The following RRM2 variants were observed in gnomAD, a reference collection of about 807,000 sequenced individuals.
RRM2 encodes ribonucleotide reductase regulatory subunit M2.
Under a neutral mutation model 45.9 loss-of-function variants are expected in RRM2, and 6 were observed. That is an observed-to-expected ratio of 0.13 (90% confidence interval 0.07 to 0.26). The LOEUF (loss-of-function observed/expected upper bound fraction) is 0.26, where lower values mean the gene tolerates loss of function less well. Ranked by LOEUF, RRM2 falls within the 10% of genes least tolerant of loss-of-function variation. The probability of loss-of-function intolerance (pLI) is 1.00; values close to 1 mark genes in which losing one functional copy is unlikely to be tolerated. For missense variants in RRM2, 343 were observed against 489.5 expected (o/e 0.70, Z 2.82); for synonymous variants, 177 against 173.0 (o/e 1.02, Z -0.18).
intron 3 of RRM2, chr2:10,142,520 C>T (rs547848171): frequency 1.3e-6 from 1 of 796,074 alleles, no homozygotes; most frequent in East Asian, 5.5e-5. Flanking sequence ...TACTGCCAGC[C>T]TCTGCCGTTC....
chr2:10,160,723 C>T (rs1663537614), intron 3 of RRM2, among the ~76,000 whole-genome samples: 1 of 152,254 alleles, frequency 6.6e-6, no homozygotes, highest in Non-Finnish European at 1.5e-5. Context: ...GCCTGCTCCG[C>T]CCACATCTCA....
downstream of RRM2, among the ~76,000 whole-genome samples, chr2:10,136,054 A>G (rs956174523): frequency 6.6e-6 from 1 of 152,044 alleles, no homozygotes; most frequent in Non-Finnish European, 1.5e-5. Context: ...TCTACTGGCA[A>G]TTGCTTGAGA....
At chr2:10,177,176 T>C (rs1463657023) in intron 3 of RRM2, among the ~76,000 whole-genome samples, 2 of 151,678 alleles carry the variant, frequency 1.3e-5, no homozygotes, top group African/African-American at 2.4e-5. Flanking sequence ...AACCCGGGAG[T>C]TGAAGGTTGC....
chr2:10,123,406 C>A lies in RRM2; in HGVS notation c.194C>A (p.Pro65His), dbSNP rs374811810. Residue 65 changes from proline to histidine, a missense_variant, in exon 3 of 10, where the codon CCC becomes CAC. Transcript: ENST00000304567. Reference sequence around the variant, plus strand: ...CAACAGAAAACTAAAGCAGCTGCCCCCGGCGTGGAGGATGAGCCGCTGCTG... The same window carrying A: ...CAACAGAAAACTAAAGCAGCTGCCCACGGCGTGGAGGATGAGCCGCTGCTG... ...PTEPKTKAAA[P>H]GVEDEPLLRE... 6.2e-7 allele frequency: 1 copy of A among 1,607,304 alleles called. No homozygotes were observed. Among genetic ancestry groups the A allele is most frequent in the African/African-American group, 1.4e-5 (1 of 74,042 alleles).
At chr2:10,209,161 A>G (rs1308519722) in intron 3 of RRM2, among the ~76,000 whole-genome samples, 2 of 150,018 alleles carry the variant, frequency 1.3e-5, no homozygotes, top group African/African-American at 2.5e-5. Flanking sequence ...GGGTTCAAGC[A>G]ATTCTTTTGC....
intron 3 of RRM2, among the ~76,000 whole-genome samples, chr2:10,173,659 G>C (rs1663850576): frequency 6.6e-6 from 1 of 152,256 alleles, no homozygotes; most frequent in Non-Finnish European, 1.5e-5. Flanking sequence ...AGAGGTGATG[G>C]GGCTCCGCGG....
At chr2:10,209,610 T>C (rs1436398507) in intron 3 of RRM2, among the ~76,000 whole-genome samples, 1 of 47,720 alleles carries the variant, frequency 2.1e-5, no homozygotes, top group Non-Finnish European at 5.6e-5. Context: ...TGTGTGTGCG[T>C]GCATGCGTGT....
chr2:10,141,777 C>CCCTGGGG (rs5829249), intron 1 of RRM2: 94 of 1,390,838 alleles, frequency 6.8e-5, no homozygotes, highest in African/African-American at 4.8e-4. Flanking sequence ...GTGGCCATGG[C>CCCTGGGG]CTGGGGCTGG....
intron 3 of RRM2, among the ~76,000 whole-genome samples, chr2:10,173,679 A>T (rs1663851689): frequency 6.6e-6 from 1 of 152,258 alleles, no homozygotes; most frequent in African/African-American, 2.4e-5. Context: ...GGCACCCCCG[A>T]TGCACAGTCT....
chr2:10,155,446 A>G (rs145787396), intron 3 of RRM2, among the ~76,000 whole-genome samples: 153 of 151,618 alleles, frequency 1.0e-3, no homozygotes, highest in African/African-American at 3.3e-3. Flanking sequence ...GGAGGAGTGG[A>G]GGGGATGTGG....
intron 3 of RRM2, among the ~76,000 whole-genome samples, chr2:10,149,950 G>A (rs1331603187): frequency 6.6e-6 from 1 of 152,192 alleles, no homozygotes; most frequent in East Asian, 1.9e-4. Context: ...ACATCTGTGT[G>A]GTATTTCCTG....
chr2:10,150,468 C>T (rs1375924421), intron 3 of RRM2, among the ~76,000 whole-genome samples: 1 of 149,316 alleles, frequency 6.7e-6, no homozygotes, highest in Non-Finnish European at 1.5e-5. Context: ...AAAAAGATGG[C>T]GTTTGCATCC....
rs1232954353 is a variant in RRM2, at chr2:10,185,076, T to G, written n.483-25235T>G. The stretch of plus-strand genomic sequence containing the variant: ...TATAAAAATGAATATTTATAGCAAA[T>G]CCTGTAGGATGCGGTAGATTTGGAA... On this transcript the variant is annotated intron_variant and non_coding_transcript_variant, in intron 3 of 3. Coordinates refer to the RRM2 transcript ENST00000381786. The surrounding 1 kb of genome is among the most constrained non-coding windows in gnomAD (Gnocchi z 4.3). Among the ~76,000 whole-genome samples the G allele has an allele frequency of 6.6e-6, 1 of 152,216 alleles. No homozygotes were observed. Among genetic ancestry groups the G allele is most frequent in the Non-Finnish European group, 1.5e-5 (1 of 68,046 alleles).
At chr2:10,148,143 CAAAAAAAAAAAAAAA>C (rs374826185) in intron 3 of RRM2, among the ~76,000 whole-genome samples, 81,263 of 122,014 alleles carry the variant, frequency 0.67, 24,116 homozygotes, top group Middle Eastern at 0.72. Flanking sequence ...GACCCTGACT[CAAAAAAAAAAAAAAA>C]AAAAAAAAAA....
intron 3 of RRM2, among the ~76,000 whole-genome samples, chr2:10,153,006 C>T (rs981370255): frequency 2.6e-5 from 4 of 152,104 alleles, no homozygotes; most frequent in Admixed American, 1.3e-4. Context: ...ACATTAGCCA[C>T]GATATGGAAA....
chr2:10,194,236 C>T (rs114615043), intron 3 of RRM2, among the ~76,000 whole-genome samples: 107 of 152,312 alleles, frequency 7.0e-4, no homozygotes, highest in African/African-American at 1.9e-3. Context: ...GGCCAGCTTC[C>T]GGGCTCAGTC....
At chr2:10,182,380 A>C (rs115405546) in intron 3 of RRM2, among the ~76,000 whole-genome samples, 31,825 of 151,850 alleles carry the variant, frequency 0.21, 3,640 homozygotes, top group East Asian at 0.51. Context: ...AAAAAACCCA[A>C]AAAAAATCCC....
At position 10,169,581 on chromosome 2, in the gene RRM2, C is replaced by T. The variant is rs568374399; in HGVS notation, n.482+27206C>T. Among the ~76,000 whole-genome samples the T allele has an allele frequency of 4.0e-3, 610 of 152,202 alleles. 4 individuals carry two copies. Among genetic ancestry groups the T allele is most frequent in the African/African-American group, 0.014 (578 of 41,520 alleles). ...CTGGGGTTGGGGAGGCGCAGGGGGG[C>T]TCCCCAGCAGAGGGAGGGCATTTGA... On this transcript the variant is annotated intron_variant and non_coding_transcript_variant, in intron 3 of 3. Coordinates refer to the RRM2 transcript ENST00000381786. The surrounding 1 kb of genome is among the most constrained non-coding windows in gnomAD (Gnocchi z 5.1).
Position 10,130,387 on chromosome 2 carries a change from T to C in RRM2, c.*1001T>C, listed in dbSNP as rs186091130. ...TTCCTACAAGTTGTTCATTCTAGTT[T>C]TGTTTGGTGTAAGTAGGTTGTGTGA... On this transcript the variant is annotated 3_prime_UTR_variant, in exon 10 of 10. Transcript: ENST00000304567. The C allele has an allele frequency of 6.6e-6, 1 of 152,290 alleles. No individual in the cohort carries two copies. The highest frequency in any genetic ancestry group is 2.4e-5 in the African/African-American group (1 of 41,552). The allele number at this position is 152,290 out of a possible 1,614,324, so 9.4% of individuals were successfully genotyped here.
Sources: gnomAD v4.1 joint callset for allele counts (sites outside exome capture counted in the v4.1 genomes callset) on GRCh38, gnomAD v4.1.1 for gene constraint, Gnocchi (gnomAD v3.1) non-coding constraint, MANE v1.5 for transcripts, NCBI Gene and HGNC (gene_info 2026-07-23, HGNC 2026-07-21) for gene names.